Variants in NEB observed in about 807,000 individuals in gnomAD.
NEB encodes nebulin.
Under a neutral mutation model 952.2 loss-of-function variants are expected in NEB, and 512 were observed. The ratio of observed to expected loss-of-function variants is 0.54; its 90% CI spans 0.50 to 0.58. NEB has a LOEUF of 0.58. NEB is among the 20% of genes least tolerant of loss of function. The pLI is 0.00. For missense variants in NEB, 8,428 were observed against 9,231.1 expected (o/e 0.91, Z 3.56); for synonymous variants, 2,900 against 3,149.8 (o/e 0.92, Z 2.66).
At position 151,560,719 on chromosome 2, in the gene NEB, T is replaced by C; in HGVS notation, c.19207-20A>G. On this transcript the variant is annotated intron_variant, in intron 123 of 181. Transcript: ENST00000397345. ...CAGGTTCTGCAGGAATTAAAGACCT[T>C]CTTGTGAATATGGGAAAATGCATCT... is the stretch of plus-strand genomic sequence containing the variant. 6.4e-7 allele frequency: 1 copy of C among 1,570,786 alleles called. No homozygotes were observed. The highest frequency in any genetic ancestry group is 1.7e-5 in the Admixed American group (1 of 57,528).
chr2:151,672,260 C>G (rs2099310420), intron 37 of NEB, 109 bp downstream of exon 37: 1 of 1,118,598 alleles, frequency 8.9e-7, no homozygotes, highest in Non-Finnish European at 1.2e-6. Context: ...GTTGTTTATT[C>G]TAAAGTGCAT....
chr2:151,502,562 AACAGAGT>A (rs2153097081), intron 167 of NEB, among the ~76,000 whole-genome samples: 1 of 152,254 alleles, frequency 6.6e-6, no homozygotes, highest in Admixed American at 6.5e-5. Context: ...GGAGGAAGAA[AACAGAGT>A]ATTACAGGTT....
intron 13 of NEB, among the ~76,000 whole-genome samples, chr2:151,699,860 T>A (rs2099632668): frequency 6.6e-6 from 1 of 151,774 alleles, no homozygotes; most frequent in Non-Finnish European, 1.5e-5. Flanking sequence ...AGAAGCTCTT[T>A]AGTTTAATTA....
intron 37 of NEB, among the ~76,000 whole-genome samples, chr2:151,671,537 T>C (rs749369995): frequency 6.6e-6 from 1 of 152,214 alleles, no homozygotes; most frequent in Non-Finnish European, 1.5e-5. Flanking sequence ...GCATTTTTTT[T>C]CAAGTCACTT....
At chr2:151,565,862 G>C in intron 114 of NEB, 42 bp from the exon 115 acceptor site, 1 of 1,393,520 alleles carries the variant, frequency 7.2e-7, no homozygotes, top group Non-Finnish European at 1.0e-6. Flanking sequence ...ATAAATGACT[G>C]AGACACAGGC....
In NEB at chr2:151,687,425, C is replaced by G; in HGVS notation, c.2631G>C (p.Gln877His). The change falls in exon 27 of 182, where the codon CAG becomes CAC. Residue 877 changes from glutamine (Q) to histidine (H), a missense_variant. By Grantham distance (24) the Gln-to-His change is conservative. Coordinates refer to ENST00000397345, the MANE Select transcript of NEB (RefSeq NM_001164508.2). ...MLHSLKTAKNQSDREYRKDYE... is the reference protein window; with the variant it reads ...MLHSLKTAKNHSDREYRKDYE... The stretch of plus-strand genomic sequence containing the variant: ...GATTCACAAAGACACTCACATCACT[C>G]TGGTTTTTGGCTGTCTTCAAGGAGT... The G allele has an allele frequency of 6.2e-7, 1 of 1,611,716 alleles. No homozygotes were observed. Among genetic ancestry groups the G allele is most frequent in the East Asian group, 2.2e-5 (1 of 44,878 alleles).
At chr2:151,570,660 G>T in intron 107 of NEB, 59 bp from the exon 108 acceptor site, 1 of 1,468,716 alleles carries the variant, frequency 6.8e-7, no homozygotes, top group Non-Finnish European at 9.3e-7. Context: ...ACCTTCAATG[G>T]CTCAGGTGGA....
chr2:151,697,401 G>C lies in NEB; in HGVS notation c.1314C>G (p.Phe438Leu), dbSNP rs765769921. 6.2e-7 allele frequency: 1 copy of C among 1,613,932 alleles called. No individual in the cohort carries two copies. Among genetic ancestry groups the C allele is most frequent in the Non-Finnish European group, 8.5e-7 (1 of 1,179,850 alleles). Residue 438 changes from phenylalanine (F) to leucine (L), a missense_variant, in exon 15 of 182, where the codon TTC becomes TTG. Around this residue, in one of 11 missense-constraint regions of NEB, gnomAD observed 2,851 missense variants for 2,791.5 expected, o/e 1.02. Coordinates refer to ENST00000397345, the MANE Select transcript of NEB (RefSeq NM_001164508.2). Reference protein sequence around the residue: ...KDILGHYVGSFEDPYHSHCMK... With the variant: ...KDILGHYVGSLEDPYHSHCMK... Reference sequence around the variant, plus strand: ...TGCAGTGTGAATGGTATGGATCCTCGAAGCTGCCTACATAATGTCCCAAAA... The same window carrying C: ...TGCAGTGTGAATGGTATGGATCCTCCAAGCTGCCTACATAATGTCCCAAAA...
At position 151,665,325 on chromosome 2, in the gene NEB, G is replaced by A. The variant is rs2099201801; in HGVS notation, c.5238+8C>T. The A allele has an allele frequency of 6.2e-7, 1 of 1,613,286 alleles. No homozygotes were observed. Among genetic ancestry groups the A allele is most frequent in the African/African-American group, 1.3e-5 (1 of 74,994 alleles). On this transcript the variant is annotated splice_region_variant and intron_variant, in intron 42 of 181. Coordinates refer to ENST00000397345, the MANE Select transcript of NEB (RefSeq NM_001164508.2). ...TTCCCTGGGCGAGGCTGGCAGGTGA[G>A]TCCTTACCTTGTCCATGTTCAGTTT...
intron 77 of NEB, among the ~76,000 whole-genome samples, chr2:151,613,140 T>C (rs1276193473): frequency 6.6e-6 from 1 of 152,218 alleles, no homozygotes; most frequent in Non-Finnish European, 1.5e-5. Context: ...GTGCTTGATT[T>C]AACCAGAGCT....
At chr2:151,578,283 TAAAA>T (rs1421068842) in intron 105 of NEB, among the ~76,000 whole-genome samples, 3 of 129,756 alleles carry the variant, frequency 2.3e-5, no homozygotes, top group African/African-American at 2.5e-5. Flanking sequence ...GAACGTCAAG[TAAAA>T]GGAAACAAGT....
chr2:151,547,558 A>C (rs368242921), intron 132 of NEB, 25 bp from the exon 133 acceptor site: 1 of 1,599,124 alleles, frequency 6.3e-7, no homozygotes. Context: ...ATACCCCAAA[A>C]CATATGTATT....
At chr2:151,619,371 G>C in intron 73 of NEB, 80 bp downstream of exon 73, 10 of 1,359,454 alleles carry the variant, frequency 7.4e-6, no homozygotes, top group Non-Finnish European at 1.0e-5. Flanking sequence ...ACAAATTGCA[G>C]TTCATTGGCA....
At chr2:151,639,412 A>T in intron 62 of NEB, 28 bp from the exon 63 acceptor site, 1 of 1,486,466 alleles carries the variant, frequency 6.7e-7, no homozygotes, top group Non-Finnish European at 9.0e-7. Context: ...CAAATTCATC[A>T]GGAAAAAAGT....
chr2:151,595,330 A>G (rs2097403675), intron 92 of NEB, among the ~76,000 whole-genome samples: 1 of 151,412 alleles, frequency 6.6e-6, no homozygotes, highest in African/African-American at 2.4e-5. Context: ...GGCTTACTGC[A>G]AACCTCCGCC....
intron 78 of NEB, among the ~76,000 whole-genome samples, chr2:151,611,871 A>C (rs1467969846): frequency 6.6e-6 from 1 of 152,222 alleles, no homozygotes; most frequent in Non-Finnish European, 1.5e-5. Flanking sequence ...AAGTGGCCTG[A>C]ATCTGCTCTG....
At chr2:151,519,537 A>T in intron 154 of NEB, 121 bp downstream of exon 154, 1 of 748,494 alleles carries the variant, frequency 1.3e-6, no homozygotes, top group Admixed American at 2.7e-5. Context: ...AACATTTTGG[A>T]AATAGTGACA....
Position 151,733,145 on chromosome 2 carries a change from G to A in NEB, c.12C>T (p.Asp4=), listed in dbSNP as rs117178114. 1,264 of 1,603,876 alleles carry A rather than the reference G, an allele frequency of 7.9e-4. 3 individuals carry two copies. The East Asian group carries it at 8.3e-3, about 10-fold the overall frequency. The change falls in exon 3 of 182, where the codon GAC becomes GAT. Residue 4 remains aspartate, a synonymous_variant. Coordinates refer to ENST00000397345, the MANE Select transcript of NEB (RefSeq NM_001164508.2). Reference sequence around the variant, plus strand: ...CCTCCACCACCTCCTCATAGTCTTCGTCATCTGCCATTTTTCCAGAGTAGT... The same window carrying A: ...CCTCCACCACCTCCTCATAGTCTTCATCATCTGCCATTTTTCCAGAGTAGT... MAD[D]EDYEEVVEYY... is the part of the protein sequence containing the mutation.
chr2:151,519,661 A>G lies in NEB; in HGVS notation c.22587T>C (p.Ser7529=). 1.2e-6 allele frequency: 2 copies of G among 1,601,668 alleles called. No homozygotes were observed. Among genetic ancestry groups the G allele is most frequent in the Non-Finnish European group, 1.7e-6 (2 of 1,169,184 alleles). Residue 7529 remains serine, a synonymous_variant, in exon 154 of 182, where the codon AGT becomes AGC. Coordinates refer to ENST00000397345, the MANE Select transcript of NEB (RefSeq NM_001164508.2). ...KVMKDANNLA[S]EVKYKADLKK... ...TACCACAATTTTAGAAACATACCTC[A>G]CTTGCAAGATTATTAGCATCTTTCA... is the stretch of plus-strand genomic sequence containing the variant.
Sources: gnomAD v4.1 joint callset for allele counts (sites outside exome capture counted in the v4.1 genomes callset) on GRCh38, gnomAD v4.1.1 for gene constraint, gnomAD v4.1.1 regional missense constraint, MANE v1.5 for transcripts, NCBI Gene and HGNC (gene_info 2026-07-23, HGNC 2026-07-21) for gene names.